Variants in MACROD2 observed in about 807,000 individuals in gnomAD.
The protein encoded by MACROD2 is ADP-ribose glycohydrolase MACROD2.
In MACROD2, 36 loss-of-function variants were observed where a neutral mutation model predicts 70.4. That is an observed-to-expected ratio of 0.51 (90% CI 0.39 to 0.68). The LOEUF (loss-of-function observed/expected upper bound fraction) is 0.68, where lower values mean the gene tolerates loss of function less well. Among genes scored for constraint, MACROD2 ranks in the 30% least tolerant of loss-of-function variants. MACROD2 has a pLI of 0.00. For missense variants in MACROD2, 496 were observed against 538.4 expected, an observed-to-expected ratio of 0.92 and a Z score of 0.78; for synonymous variants, 172 against 178.8, an observed-to-expected ratio of 0.96 and a Z score of 0.30.
chr20:14,014,894 G>C (rs2052965014), intron 2 of MACROD2, among the ~76,000 whole-genome samples: 1 of 151,660 alleles, frequency 6.6e-6, no homozygotes. Context: ...TTGACCTCCT[G>C]GGCTCAATCA....
chr20:15,307,172 C>T (rs2077706097), intron 6 of MACROD2, among the ~76,000 whole-genome samples: 1 of 152,160 alleles, frequency 6.6e-6, no homozygotes, highest in Admixed American at 6.5e-5. Context: ...TATATCAAAG[C>T]TCTGCACCAA....
chr20:14,369,244 G>A (rs1486768916), intron 3 of MACROD2, among the ~76,000 whole-genome samples: 1 of 152,124 alleles, frequency 6.6e-6, no homozygotes, highest in Non-Finnish European at 1.5e-5. Context: ...AAAGTAAGGT[G>A]CTTTGCGTTA....
chr20:14,903,287 C>T (rs555445812), intron 5 of MACROD2, among the ~76,000 whole-genome samples: 245 of 152,082 alleles, frequency 1.6e-3, no homozygotes, highest in Non-Finnish European at 2.4e-3. Flanking sequence ...ATGATCCATC[C>T]GCCTCGGCCT....
At chr20:14,830,714 G>A (rs2072954739) in intron 5 of MACROD2, among the ~76,000 whole-genome samples, 2 of 152,130 alleles carry the variant, frequency 1.3e-5, no homozygotes, top group South Asian at 4.1e-4. Context: ...CTAGGCAGAT[G>A]CATATCAGAG....
intron 4 of MACROD2, among the ~76,000 whole-genome samples, chr20:14,518,059 C>T (rs564287067): frequency 5.3e-5 from 8 of 151,884 alleles, no homozygotes; most frequent in East Asian, 1.9e-4. Context: ...AAAACATTGA[C>T]GTTGTAATTC....
At chr20:15,531,061 T>G (rs374129490) in intron 8 of MACROD2, among the ~76,000 whole-genome samples, 2 of 151,562 alleles carry the variant, frequency 1.3e-5, no homozygotes, top group South Asian at 4.1e-4. Context: ...CTTATAATTT[T>G]AAATATTAAT....
intron 5 of MACROD2, among the ~76,000 whole-genome samples, chr20:14,722,555 C>G (rs544675444): frequency 6.6e-6 from 1 of 152,296 alleles, no homozygotes; most frequent in South Asian, 2.1e-4. Context: ...ACTTCCTGTG[C>G]TTTTCACATA....
At chr20:14,845,407 G>C (rs1249049880) in intron 5 of MACROD2, among the ~76,000 whole-genome samples, 1 of 151,844 alleles carries the variant, frequency 6.6e-6, no homozygotes. Context: ...TTCTTGGTCA[G>C]CAAAAAGACA....
chr20:15,410,653 TCACA>T (rs11471470), intron 6 of MACROD2, among the ~76,000 whole-genome samples: 3 of 150,634 alleles, frequency 2.0e-5, no homozygotes, highest in African/African-American at 7.3e-5. Flanking sequence ...CTGAATTCTG[TCACA>T]CACACACACA....
intron 5 of MACROD2, among the ~76,000 whole-genome samples, chr20:14,990,675 G>A (rs1004810129): frequency 1.3e-5 from 2 of 151,704 alleles, no homozygotes; most frequent in Non-Finnish European, 2.9e-5. Flanking sequence ...CACCACTCCC[G>A]GATAATTTTT....
intron 15 of MACROD2, among the ~76,000 whole-genome samples, chr20:16,021,270 A>G (rs903049669): frequency 1.3e-4 from 20 of 152,288 alleles, no homozygotes; most frequent in African/African-American, 3.9e-4. Context: ...TCATGACCGC[A>G]TTCTCTCCTG....
At chr20:14,843,563 A>G (rs368174162) in intron 5 of MACROD2, among the ~76,000 whole-genome samples, 1 of 152,062 alleles carries the variant, frequency 6.6e-6, no homozygotes, top group Non-Finnish European at 1.5e-5. Context: ...ACTAACCTCA[A>G]TACATTCTCT....
chr20:15,130,555 G>C (rs1056420466), intron 5 of MACROD2, among the ~76,000 whole-genome samples: 1 of 152,072 alleles, frequency 6.6e-6, no homozygotes, highest in Non-Finnish European at 1.5e-5. Flanking sequence ...GCTCACAAGA[G>C]AGTAATATTT....
rs936037575 is a variant in MACROD2 at position 15,870,045 on chromosome 20, T to C, written c.727+7219T>C. On this transcript the variant is annotated intron_variant, in intron 9 of 17. Transcript: ENST00000684519. ...TATCTTAAATGCATGCCAAAATTTT[T>C]AAAACGAAACAAATCAAGAAACTTC... Among the ~76,000 whole-genome samples, 4 of 152,056 alleles carry C rather than the reference T, an allele frequency of 2.6e-5. 1 individual carries two copies. Among genetic ancestry groups the C allele is most frequent in the Admixed American group, 2.6e-4 (4 of 15,246 alleles).
At chr20:14,733,071 T>C (rs2123705881) in intron 5 of MACROD2, among the ~76,000 whole-genome samples, 1 of 152,314 alleles carries the variant, frequency 6.6e-6, no homozygotes, top group South Asian at 2.1e-4. Flanking sequence ...TCTTAATTCT[T>C]ATGTCTACTT....
At chr20:14,573,881 G>T (rs1980388720) in intron 4 of MACROD2, among the ~76,000 whole-genome samples, 2 of 152,188 alleles carry the variant, frequency 1.3e-5, no homozygotes, top group South Asian at 4.1e-4. Context: ...TCCAGAAGAA[G>T]AGTTCCAAAG....
intron 4 of MACROD2, among the ~76,000 whole-genome samples, chr20:14,572,912 A>T (rs1420696595): frequency 6.6e-6 from 1 of 150,902 alleles, no homozygotes; most frequent in African/African-American, 2.4e-5. Flanking sequence ...AATATAAAAT[A>T]TATAAAGATA....
chr20:14,174,019 A>G (rs973060387), intron 3 of MACROD2, among the ~76,000 whole-genome samples: 1 of 152,128 alleles, frequency 6.6e-6, no homozygotes, highest in African/African-American at 2.4e-5. Flanking sequence ...GCTATGATTG[A>G]GGTTCCAAGG....
intron 8 of MACROD2, among the ~76,000 whole-genome samples, chr20:15,513,879 A>T (rs968245840): frequency 4.6e-5 from 7 of 152,236 alleles, no homozygotes; most frequent in Non-Finnish European, 7.3e-5. Context: ...TGGTGATCTC[A>T]TAAGATTCTA....
Sources: gnomAD v4.1 joint callset for allele counts (sites outside exome capture counted in the v4.1 genomes callset) on GRCh38, gnomAD v4.1.1 for gene constraint, MANE v1.5 for transcripts, NCBI Gene and HGNC (gene_info 2026-07-23, HGNC 2026-07-21) for gene names.